The following SNTG2 variants were observed in gnomAD, a reference collection of about 807,000 sequenced individuals.
The protein encoded by SNTG2 is gamma-2-syntrophin.
In SNTG2, 74 loss-of-function variants were observed where a neutral mutation model predicts 70.9. The ratio of observed to expected loss-of-function variants is 1.04; its 90% CI spans 0.86 to 1.27. SNTG2 has a LOEUF of 1.27. Ranked by LOEUF, SNTG2 falls within the 50% of genes most tolerant of loss-of-function variation. SNTG2 has a pLI of 0.00. For missense variants in SNTG2, 717 were observed against 690.7 expected (o/e 1.04, Z -0.43); for synonymous variants, 278 against 273.8 (o/e 1.02, Z -0.15).
At chr2:1,231,071 G>A (rs560714507) in intron 9 of SNTG2, among the ~76,000 whole-genome samples, 31 of 147,754 alleles carry the variant, frequency 2.1e-4, no homozygotes, top group Non-Finnish European at 3.4e-4. Flanking sequence ...AAATAGATCC[G>A]AAAGGTGAAT....
rs542025969 is a variant in SNTG2 at position 970,489 on chromosome 2, A to G, written c.72+19421A>G. 1.6e-3 allele frequency among the ~76,000 whole-genome samples: 240 copies of G among 145,620 alleles called. 3 individuals carry two copies. The highest frequency in any genetic ancestry group is 6.9e-3 in the Middle Eastern group (2 of 290). On this transcript the variant is annotated intron_variant, in intron 1 of 16. Transcript: ENST00000308624. ...TGTGTCCATGTGTTCTCATTGTTCA[A>G]TTCCCACCTATGAGTGAGAATACGC...
At chr2:1,011,873 G>A (rs531494763) in intron 1 of SNTG2, among the ~76,000 whole-genome samples, 1 of 152,290 alleles carries the variant, frequency 6.6e-6, no homozygotes, top group Admixed American at 6.5e-5. Context: ...TAGCTGTAGT[G>A]AAACTCTGCA....
intron 1 of SNTG2, among the ~76,000 whole-genome samples, chr2:1,044,140 C>A (rs1172614291): frequency 6.6e-6 from 1 of 151,962 alleles, no homozygotes; most frequent in Non-Finnish European, 1.5e-5. Context: ...TGCCCCCCCA[C>A]CCCGGTTAGC....
At chr2:980,628 T>C (rs1661066257) in intron 1 of SNTG2, among the ~76,000 whole-genome samples, 3 of 152,132 alleles carry the variant, frequency 2.0e-5, no homozygotes, top group Admixed American at 2.0e-4. Context: ...TTTAGCTTCA[T>C]ACAAGCCATC....
intron 1 of SNTG2, among the ~76,000 whole-genome samples, chr2:1,058,745 G>A (rs1412109062): frequency 6.6e-6 from 1 of 152,150 alleles, no homozygotes; most frequent in Non-Finnish European, 1.5e-5. Context: ...GAGGCTCATG[G>A]TTCATCTCAA....
At chr2:1,167,455 C>T (rs1345502950) in intron 7 of SNTG2, among the ~76,000 whole-genome samples, 1 of 142,146 alleles carries the variant, frequency 7.0e-6, no homozygotes, top group Admixed American at 6.9e-5. Flanking sequence ...GAACTGAAGC[C>T]TACAAGCCGC....
chr2:1,160,127 A>T (rs1028999150), intron 6 of SNTG2: 3 of 152,258 alleles, frequency 2.0e-5, no homozygotes, highest in African/African-American at 7.2e-5. Context: ...TACATGGTGT[A>T]TGAAAATTCT....
intron 1 of SNTG2, among the ~76,000 whole-genome samples, chr2:956,154 G>GCCCCTGCTCCTGCCCTGCACCTA (rs1660141374): frequency 5.8e-5 from 2 of 34,470 alleles, no homozygotes; most frequent in African/African-American, 1.1e-4. Flanking sequence ...CCCCGCCCCT[G>GCCCCTGCTCCTGCCCTGCACCTA]CCCCTGCCCT....
intron 12 of SNTG2, chr2:1,256,502 C>A (rs1278576786): frequency 6.6e-6 from 1 of 152,102 alleles, no homozygotes; most frequent in African/African-American, 2.4e-5. Context: ...TCTTAAATAA[C>A]CCCCTTCTGT....
At chr2:1,198,390 C>G (rs1287772289) in intron 8 of SNTG2, among the ~76,000 whole-genome samples, 6 of 151,620 alleles carry the variant, frequency 4.0e-5, no homozygotes, top group African/African-American at 1.5e-4. Flanking sequence ...ACACAATGTA[C>G]TAAAACATAT....
chr2:1,356,950 T>G (rs2148313920), intron 16 of SNTG2, among the ~76,000 whole-genome samples: 1 of 152,168 alleles, frequency 6.6e-6, no homozygotes, highest in East Asian at 1.9e-4. Flanking sequence ...TTTTTTTTCT[T>G]AATGTCTATT....
chr2:1,237,518 G>C (rs1022006690), intron 9 of SNTG2, among the ~76,000 whole-genome samples: 2 of 152,160 alleles, frequency 1.3e-5, no homozygotes, highest in African/African-American at 4.8e-5. Context: ...TGAGTGCAGA[G>C]GGTGCTGGGC....
chr2:1,246,779 G>A (rs1677457098), intron 11 of SNTG2, among the ~76,000 whole-genome samples: 1 of 151,992 alleles, frequency 6.6e-6, no homozygotes, highest in Non-Finnish European at 1.5e-5. Context: ...AAATGTTTTT[G>A]AATCATATTC....
chr2:1,339,244 T>A (rs1659965959), intron 16 of SNTG2, among the ~76,000 whole-genome samples: 1 of 152,232 alleles, frequency 6.6e-6, no homozygotes, highest in Non-Finnish European at 1.5e-5. Flanking sequence ...TAGGAGTTCT[T>A]GATAAATTCT....
intron 1 of SNTG2, among the ~76,000 whole-genome samples, chr2:1,065,086 C>G (rs115347362): frequency 1.4e-3 from 217 of 152,240 alleles, no homozygotes; most frequent in African/African-American, 5.0e-3. Flanking sequence ...GTTGGTTACA[C>G]GTCAGCTGGA....
intron 12 of SNTG2, among the ~76,000 whole-genome samples, chr2:1,252,573 C>T (rs1259880505): frequency 6.6e-6 from 1 of 152,198 alleles, no homozygotes; most frequent in African/African-American, 2.4e-5. Flanking sequence ...CTGCTGCCTG[C>T]ACCATGTCCA....
At chr2:1,303,495 G>A (rs929093595) in intron 14 of SNTG2, among the ~76,000 whole-genome samples, 20 of 152,280 alleles carry the variant, frequency 1.3e-4, no homozygotes, top group African/African-American at 3.6e-4. Context: ...TCAGGGCTGC[G>A]CAGGAAATTT....
In SNTG2 at chr2:1,219,426, G is replaced by A. The variant is rs533214703; in HGVS notation, c.719+10196G>A. ...TAAGGAATGACTGAACAGAAGGCAG[G>A]AAATTCAGATTTGAGTGATTATCCC... is the stretch of plus-strand genomic sequence containing the variant. On this transcript the variant is annotated intron_variant, in intron 9 of 16. Transcript: ENST00000308624. 3.9e-5 allele frequency among the ~76,000 whole-genome samples: 6 copies of A among 152,348 alleles called. No homozygotes were observed. The South Asian group carries it at 1.2e-3, about 32-fold the overall frequency.
intron 1 of SNTG2, among the ~76,000 whole-genome samples, chr2:1,044,882 G>T (rs769414030): frequency 7.2e-5 from 11 of 152,018 alleles, no homozygotes; most frequent in Non-Finnish European, 1.2e-4. Context: ...AGAGGTTTTG[G>T]TATGATGCTG....
Sources: gnomAD v4.1 joint callset for allele counts (sites outside exome capture counted in the v4.1 genomes callset) on GRCh38, gnomAD v4.1.1 for gene constraint, MANE v1.5 for transcripts, NCBI Gene and HGNC (gene_info 2026-07-23, HGNC 2026-07-21) for gene names.